Variants in ERBB4 observed in about 807,000 individuals in gnomAD.
ERBB4 encodes the protein receptor tyrosine-protein kinase erbB-4.
A neutral mutation model predicts 158.0 loss-of-function variants in ERBB4; 42 were observed. That is an observed-to-expected ratio of 0.27 (90% confidence interval 0.21 to 0.34). The LOEUF is 0.34. Ranked by LOEUF, ERBB4 falls within the 10% of genes least tolerant of loss-of-function variation. ERBB4 has a pLI of 1.00. For missense variants in ERBB4, 1,333 were observed against 1,624.1 expected (o/e 0.82, Z 3.08); for synonymous variants, 583 against 558.7 (o/e 1.04, Z -0.61).
chr2:212,283,125 C>G (rs1047946408), intron 1 of ERBB4, among the ~76,000 whole-genome samples: 2 of 151,864 alleles, frequency 1.3e-5, no homozygotes, highest in African/African-American at 4.8e-5. Flanking sequence ...TAATGCAGAC[C>G]ATGGATTTCA....
At chr2:212,237,965 C>T (rs998788367) in intron 1 of ERBB4, among the ~76,000 whole-genome samples, 1 of 152,204 alleles carries the variant, frequency 6.6e-6, no homozygotes. Flanking sequence ...CTTCAGACTG[C>T]TGTGCTGGCA....
rs549292043 is a variant in ERBB4, at chr2:211,503,366, C to A, written c.2487+58537G>T. On this transcript the variant is annotated intron_variant, in intron 20 of 27. Transcript: ENST00000342788. ...ATTCACATGCCCAAGATGGGTCCCA[C>A]CAGCACTGTTTGGGAACTGAGGAGC... 2.2e-4 allele frequency among the ~76,000 whole-genome samples: 33 copies of A among 152,198 alleles called. No homozygotes were observed. In the South Asian group the frequency reaches 6.4e-3, roughly 30 times the overall value.
At chr2:212,022,188 A>G (rs2076668987) in intron 2 of ERBB4, among the ~76,000 whole-genome samples, 1 of 152,176 alleles carries the variant, frequency 6.6e-6, no homozygotes, top group South Asian at 2.1e-4. Flanking sequence ...CTGGGAATAT[A>G]CTCAAAGGAA....
intron 2 of ERBB4, among the ~76,000 whole-genome samples, chr2:212,062,564 T>C (rs1454642835): frequency 6.6e-6 from 1 of 151,980 alleles, no homozygotes; most frequent in African/African-American, 2.4e-5. Context: ...TGCACCACCA[T>C]GCTCAACTAA....
chr2:212,520,694 T>C (rs1255056359), intron 1 of ERBB4, among the ~76,000 whole-genome samples: 1 of 151,994 alleles, frequency 6.6e-6, no homozygotes, highest in Non-Finnish European at 1.5e-5. Context: ...GTTTCCACAT[T>C]GGTTGATAGG....
rs1173300363 is a variant in ERBB4, at chr2:212,290,067, GA to G, written c.83-165165del. On this transcript the variant is annotated intron_variant, in intron 1 of 27. Transcript: ENST00000342788. ...GTAAAATTCCTAGTATTTTTCAGCA[GA>G]AAAAAGAAATATAACACACACTTAT... is the stretch of plus-strand genomic sequence containing the variant. Among the ~76,000 whole-genome samples, 9 of 152,106 alleles carry G rather than the reference GA, an allele frequency of 5.9e-5. No individual in the cohort carries two copies. The South Asian group carries it at 1.7e-3, about 28-fold the overall frequency.
chr2:211,681,310 T>C (rs2072323338), intron 12 of ERBB4, among the ~76,000 whole-genome samples: 1 of 152,178 alleles, frequency 6.6e-6, no homozygotes, highest in Admixed American at 6.5e-5. Flanking sequence ...TAGTAGTAGA[T>C]TACTATGAAT....
chr2:212,372,629 G>A (rs1430581185), intron 1 of ERBB4, among the ~76,000 whole-genome samples: 1 of 152,014 alleles, frequency 6.6e-6, no homozygotes, highest in Admixed American at 6.6e-5. Context: ...TGCACCTGTA[G>A]TCCCAGGTAC....
intron 3 of ERBB4, among the ~76,000 whole-genome samples, chr2:211,835,138 G>A (rs2077312276): frequency 1.3e-5 from 2 of 151,822 alleles, no homozygotes; most frequent in Admixed American, 1.3e-4. Context: ...TTAAATAATG[G>A]GGGATCTTAT....
Position 211,430,970 on chromosome 2 carries a change from T to C in ERBB4, c.2618A>G (p.Lys873Arg). ...CTTTCCTCCATCAGCATTGTACTCT[T>C]TTTCATCTCCTTCCAAGAGTCTGGC... ...GLARLLEGDE[K>R]EYNADGGKMP... The change falls in exon 21 of 28, where the codon AAA (lysine) becomes AGA (arginine). Residue 873 changes from lysine (K) to arginine (R), a missense_variant. Transcript: ENST00000342788. 1 of 1,613,920 alleles carries C rather than the reference T, an allele frequency of 6.2e-7. No homozygotes were observed. The highest frequency in any genetic ancestry group is 8.5e-7 in the Non-Finnish European group (1 of 1,179,832).
intron 2 of ERBB4, among the ~76,000 whole-genome samples, chr2:211,964,696 C>T (rs2081266609): frequency 6.6e-6 from 1 of 152,218 alleles, no homozygotes; most frequent in East Asian, 1.9e-4. Context: ...GTCTATTTAG[C>T]TGACACAGTT....
chr2:211,461,836 G>A (rs1574533809), intron 20 of ERBB4, among the ~76,000 whole-genome samples: 1 of 151,700 alleles, frequency 6.6e-6, no homozygotes, highest in East Asian at 1.9e-4. Context: ...TCTTTCTAAA[G>A]TACTCTGGGC....
intron 3 of ERBB4, among the ~76,000 whole-genome samples, chr2:211,932,946 C>T (rs753438482): frequency 7.9e-5 from 12 of 151,894 alleles, no homozygotes; most frequent in Non-Finnish European, 1.2e-4. Context: ...AGTCACTGTG[C>T]ATAGTAATAG....
At chr2:212,354,815 A>G (rs1470057413) in intron 1 of ERBB4, among the ~76,000 whole-genome samples, 1 of 152,122 alleles carries the variant, frequency 6.6e-6, no homozygotes, top group Non-Finnish European at 1.5e-5. Flanking sequence ...GGCTTTTACC[A>G]ACTTAAGTTG....
chr2:211,822,393 AC>A (rs1310381101), intron 3 of ERBB4, among the ~76,000 whole-genome samples: 1 of 152,054 alleles, frequency 6.6e-6, no homozygotes, highest in Non-Finnish European at 1.5e-5. Context: ...ATCACTATGT[AC>A]CCCATAAAAA....
chr2:211,501,225 G>C (rs1291453577), intron 20 of ERBB4, among the ~76,000 whole-genome samples: 1 of 151,708 alleles, frequency 6.6e-6, no homozygotes, highest in Non-Finnish European at 1.5e-5. Flanking sequence ...GCATAAGAAG[G>C]GTTGGTTAAT....
intron 1 of ERBB4, among the ~76,000 whole-genome samples, chr2:212,533,589 T>C (rs1488214798): frequency 6.6e-6 from 1 of 152,176 alleles, no homozygotes; most frequent in Non-Finnish European, 1.5e-5. Flanking sequence ...GACCTACAAT[T>C]TTTTCATAAA....
chr2:211,953,353 TG>T (rs762132823), intron 2 of ERBB4, among the ~76,000 whole-genome samples: 31 of 151,528 alleles, frequency 2.0e-4, no homozygotes, highest in Non-Finnish European at 3.8e-4. Flanking sequence ...CTGCACGTTC[TG>T]CATATGTACC....
intron 3 of ERBB4, among the ~76,000 whole-genome samples, chr2:211,790,207 A>G (rs1268546903): frequency 6.6e-6 from 1 of 152,032 alleles, no homozygotes; most frequent in Non-Finnish European, 1.5e-5. Context: ...ACATTAGGTG[A>G]TGCTCTTCTG....
Sources: gnomAD v4.1 joint callset for allele counts (sites outside exome capture counted in the v4.1 genomes callset) on GRCh38, gnomAD v4.1.1 for gene constraint, MANE v1.5 for transcripts, NCBI Gene and HGNC (gene_info 2026-07-23, HGNC 2026-07-21) for gene names.